The following KCNMA1 variants were observed in gnomAD, a reference collection of about 807,000 sequenced individuals.
KCNMA1 encodes the protein potassium calcium-activated channel subfamily M alpha 1.
Under a neutral mutation model 140.0 loss-of-function variants are expected in KCNMA1, and 29 were observed. The observed-to-expected ratio is 0.21, with a 90% CI of 0.15 to 0.28. The LOEUF (loss-of-function observed/expected upper bound fraction) is 0.28, where lower values mean the gene tolerates loss of function less well. Ranked by LOEUF, KCNMA1 falls within the 10% of genes least tolerant of loss-of-function variation. KCNMA1 has a pLI of 1.00. For synonymous variants in KCNMA1, 612 were observed against 611.9 expected (o/e 1.00, Z 0.00); for missense variants, 880 against 1,602.2 (o/e 0.55, Z 7.70).
downstream of KCNMA1, chr10:76,877,663 C>A: frequency 7.2e-7 from 1 of 1,385,906 alleles, no homozygotes; most frequent in South Asian, 1.3e-5. Context: ...AGTGATTCAG[C>A]ATGTAAGAAG....
At chr10:77,636,424 G>A (rs905842549) in intron 1 of KCNMA1, 9 of 1,536,056 alleles carry the variant, frequency 5.9e-6, no homozygotes, top group African/African-American at 5.5e-5. Context: ...GAGCGCCAGG[G>A]AAGACGCTCC....
At chr10:77,195,064 T>C (rs898313462) in intron 3 of KCNMA1, among the ~76,000 whole-genome samples, 1 of 152,152 alleles carries the variant, frequency 6.6e-6, no homozygotes, top group African/African-American at 2.4e-5. Context: ...TTGTTGTTGT[T>C]GTTGTTGAGG....
At chr10:77,377,686 G>A (rs1223232411) in intron 2 of KCNMA1, among the ~76,000 whole-genome samples, 1 of 152,202 alleles carries the variant, frequency 6.6e-6, no homozygotes, top group Non-Finnish European at 1.5e-5. Context: ...CAGAGCTCCA[G>A]GCCTCTAAGA....
chr10:77,038,456 T>C (rs2094466375), intron 15 of KCNMA1, among the ~76,000 whole-genome samples: 1 of 152,206 alleles, frequency 6.6e-6, no homozygotes, highest in African/African-American at 2.4e-5. Flanking sequence ...GTCAGGAGAA[T>C]AGGCTTAATG....
intron 23 of KCNMA1, among the ~76,000 whole-genome samples, chr10:76,937,396 C>G (rs2060839782): frequency 6.6e-6 from 1 of 152,216 alleles, no homozygotes; most frequent in Non-Finnish European, 1.5e-5. Context: ...CTTCACAGCT[C>G]TTGACACATT....
chr10:77,475,347 TCC>T (rs1305065338), intron 1 of KCNMA1, among the ~76,000 whole-genome samples: 1 of 151,986 alleles, frequency 6.6e-6, no homozygotes, highest in Non-Finnish European at 1.5e-5. Context: ...GCCTGTCTTC[TCC>T]CCACCACAAA....
intron 19 of KCNMA1, among the ~76,000 whole-genome samples, chr10:76,994,540 G>A (rs1222421038): frequency 6.6e-6 from 1 of 152,184 alleles, no homozygotes; most frequent in East Asian, 1.9e-4. Context: ...ACAGAATATA[G>A]ATCTCTTTGG....
intron 18 of KCNMA1, chr10:77,008,225 C>T (rs2089688208): frequency 1.3e-6 from 2 of 1,527,782 alleles, no homozygotes; most frequent in Non-Finnish European, 8.7e-7. Context: ...AGAGTAGGGG[C>T]CGTATTCCAA....
rs1271652437 is a variant in KCNMA1 at position 76,941,100 on chromosome 10, A to AGAAAGAAAGAAGGG, written c.2902+3672_2902+3673insCCCTTCTTTCTTTC. 1.3e-3 allele frequency among the ~76,000 whole-genome samples: 119 copies of AGAAAGAAAGAAGGG among 94,066 alleles called. 5 individuals are homozygous for AGAAAGAAAGAAGGG. Among genetic ancestry groups the AGAAAGAAAGAAGGG allele is most frequent in the Middle Eastern group, 6.0e-3 (1 of 166 alleles). The allele number at this position is 94,066 out of a possible 152,430, so 61.7% of individuals were successfully genotyped here. A position where few individuals can be genotyped will look rare whatever the true frequency, so the allele number is the denominator to read the frequency against. ...AAGAAAGAAAGAGAAAGAAAGAAAG[A>AGAAAGAAAGAAGGG]AGGGAGGGAGGGAGGGAGGGAAGGG... is the stretch of plus-strand genomic sequence containing the variant. On this transcript the variant is annotated intron_variant, in intron 23 of 27. Transcript: ENST00000286628.
chr10:77,559,017 T>C (rs2154558494), intron 1 of KCNMA1, among the ~76,000 whole-genome samples: 1 of 152,156 alleles, frequency 6.6e-6, no homozygotes, highest in Middle Eastern at 3.4e-3. Context: ...GGAGTATGAG[T>C]GACTGGCTCA....
downstream of KCNMA1, chr10:76,884,862 A>G: frequency 7.4e-7 from 1 of 1,344,232 alleles, no homozygotes; most frequent in East Asian, 2.7e-5. Flanking sequence ...AAAAATAAAC[A>G]AACCAATAAC....
intron 5 of KCNMA1, among the ~76,000 whole-genome samples, chr10:77,181,002 G>A (rs928325126): frequency 5.9e-5 from 9 of 152,098 alleles, no homozygotes; most frequent in East Asian, 1.9e-4. Context: ...TTCAGGGAAC[G>A]TGTCACTCAC....
chr10:77,269,129 C>T (rs1310956427), intron 2 of KCNMA1, among the ~76,000 whole-genome samples: 1 of 152,076 alleles, frequency 6.6e-6, no homozygotes, highest in Non-Finnish European at 1.5e-5. Flanking sequence ...TCTAGAAGAC[C>T]CCCTTTCCCC....
intron 6 of KCNMA1, among the ~76,000 whole-genome samples, chr10:77,117,086 G>A (rs933747550): frequency 2.6e-5 from 4 of 152,148 alleles, no homozygotes; most frequent in Non-Finnish European, 5.9e-5. Context: ...AACCATATTG[G>A]TTAGGTACAC....
At position 77,618,530 on chromosome 10, in the gene KCNMA1, C is replaced by T. The variant is rs991803822; in HGVS notation, c.378+18735G>A. On this transcript the variant is annotated intron_variant, in intron 1 of 27. Coordinates refer to ENST00000286628, the MANE Select transcript of KCNMA1 (RefSeq NM_001161352.2). ...CTCAAGAAATGCAGAGGGAAGACTA[C>T]TCGTCTAGAAGAAACAGGATGGCCC... Among the ~76,000 whole-genome samples, 5 of 152,188 alleles carry T rather than the reference C, an allele frequency of 3.3e-5. No individual in the cohort carries two copies. In the East Asian group the frequency reaches 5.8e-4, roughly 18 times the overall value.
chr10:77,069,877 A>G (rs1298610453), intron 14 of KCNMA1, among the ~76,000 whole-genome samples: 1 of 152,018 alleles, frequency 6.6e-6, no homozygotes, highest in Non-Finnish European at 1.5e-5. Context: ...GTGCAATGGC[A>G]TGATCTTGGC....
intron 5 of KCNMA1, among the ~76,000 whole-genome samples, chr10:77,155,482 T>C (rs2098472314): frequency 6.6e-6 from 1 of 152,176 alleles, no homozygotes; most frequent in Non-Finnish European, 1.5e-5. Context: ...AATGAGATGA[T>C]GGAGCCGCGG....
At chr10:76,924,505 A>T (rs1249105332) in intron 23 of KCNMA1, among the ~76,000 whole-genome samples, 4 of 152,158 alleles carry the variant, frequency 2.6e-5, no homozygotes, top group African/African-American at 4.8e-5. Flanking sequence ...AAAATTTTTT[A>T]AATTATAAAT....
At chr10:77,416,363 C>T (rs535774587) in intron 1 of KCNMA1, among the ~76,000 whole-genome samples, 3 of 152,254 alleles carry the variant, frequency 2.0e-5, no homozygotes, top group Admixed American at 6.5e-5. Flanking sequence ...CCATACCAAC[C>T]GCCTGAGTTC....
Sources: gnomAD v4.1 joint callset for allele counts (sites outside exome capture counted in the v4.1 genomes callset) on GRCh38, gnomAD v4.1.1 for gene constraint, MANE v1.5 for transcripts, NCBI Gene and HGNC (gene_info 2026-07-23, HGNC 2026-07-21) for gene names.